The following PCNX2 variants were observed in gnomAD, a reference collection of about 807,000 sequenced individuals.
PCNX2 encodes pecanex-like protein 2.
A neutral mutation model predicts 223.8 loss-of-function variants in PCNX2; 168 were observed. That is an observed-to-expected ratio of 0.75 (90% CI 0.66 to 0.85). The LOEUF (loss-of-function observed/expected upper bound fraction) is 0.85, where lower values mean the gene tolerates loss of function less well. Among genes scored for constraint, PCNX2 ranks in the 40% least tolerant of loss-of-function variants. The probability of loss-of-function intolerance (pLI) is 0.00; values close to 1 mark genes in which losing one functional copy is unlikely to be tolerated. For synonymous variants in PCNX2, 1,006 were observed against 1,052.6 expected, an observed-to-expected ratio of 0.96 and a Z score of 0.86; for missense variants, 2,507 against 2,675.5, an observed-to-expected ratio of 0.94 and a Z score of 1.39.
chr1:232,988,996 C>G (rs988525751), intron 32 of PCNX2, among the ~76,000 whole-genome samples: 1 of 152,206 alleles, frequency 6.6e-6, no homozygotes, highest in African/African-American at 2.4e-5. Context: ...CCCCAGTCCG[C>G]TCAGCCTCTA....
At chr1:233,003,082 G>T (rs1670146319) in intron 28 of PCNX2, among the ~76,000 whole-genome samples, 1 of 152,142 alleles carries the variant, frequency 6.6e-6, no homozygotes, top group African/African-American at 2.4e-5. Flanking sequence ...TACCATTCAG[G>T]ACATAGGCAT....
At chr1:233,154,602 T>C (rs1571982109) in intron 19 of PCNX2, among the ~76,000 whole-genome samples, 1 of 152,330 alleles carries the variant, frequency 6.6e-6, no homozygotes, top group South Asian at 2.1e-4. Context: ...ACTGACTATC[T>C]GCCATGCACC....
Position 233,252,355 on chromosome 1 carries a change from A to C in PCNX2, c.2127T>G (p.His709Gln), listed in dbSNP as rs1021128500. 7 of 1,604,052 alleles carry C rather than the reference A, an allele frequency of 4.4e-6. No homozygotes were observed. The African/African-American group carries it at 9.4e-5, about 21-fold the overall frequency. ...TAGTAAAGAGCTCCAAAGACTCACCATGTTCATCAATGAAGACATGCATAG... is the reference window on the plus strand; with the variant it reads ...TAGTAAAGAGCTCCAAAGACTCACCCTGTTCATCAATGAAGACATGCATAG... ...VDAMHVFIDE[H>Q]GEIRSCYLKS... is the part of the protein sequence containing the mutation. Residue 709 changes from histidine to glutamine, a missense_variant and splice_region_variant, in exon 7 of 34, where the codon CAT (histidine) becomes CAG (glutamine). This residue lies in a region of PCNX2 where 1,031 missense variants were observed against 1,021.7 expected (regional missense o/e 1.01). Transcript: ENST00000258229.
chr1:233,263,257 T>C, intron 1 of PCNX2, 94 bp from the exon 2 acceptor site: 3 of 1,033,848 alleles, frequency 2.9e-6, no homozygotes, highest in Non-Finnish European at 1.3e-6. Context: ...CTATTGAATA[T>C]AAATTAGGCA....
intron 13 of PCNX2, among the ~76,000 whole-genome samples, chr1:233,203,465 C>A (rs4649444): frequency 0.29 from 44,560 of 151,794 alleles, 7,295 homozygotes; most frequent in East Asian, 0.56. Context: ...AAAAGTGCAC[C>A]GAGTAATATT....
At chr1:233,046,833 C>G (rs976183785) in intron 25 of PCNX2, among the ~76,000 whole-genome samples, 1 of 152,214 alleles carries the variant, frequency 6.6e-6, no homozygotes, top group Admixed American at 6.5e-5. Context: ...TAACGCCTCC[C>G]TGTAATCATA....
Position 233,239,477 on chromosome 1 carries a change from T to TA in PCNX2, c.2223-2498dup, listed in dbSNP as rs1175229447. ...CTATATAAGCCATTTAAATATCCTT[T>TA]AAAAAATCTATGGGTTGATTTTCTA... is the stretch of plus-strand genomic sequence containing the variant. On this transcript the variant is annotated intron_variant, in intron 8 of 33. Transcript: ENST00000258229. 5.3e-5 allele frequency among the ~76,000 whole-genome samples: 8 copies of TA among 152,316 alleles called. No homozygotes were observed. In the East Asian group the frequency reaches 1.2e-3, roughly 22 times the overall value.
At chr1:233,275,602 G>A (rs1660864970) in intron 1 of PCNX2, among the ~76,000 whole-genome samples, 2 of 152,106 alleles carry the variant, frequency 1.3e-5, no homozygotes, top group Admixed American at 6.6e-5. Flanking sequence ...AAACAGTGTG[G>A]GACTTCTTCA....
chr1:233,231,831 T>C (rs1041150360), intron 9 of PCNX2: 2 of 220,754 alleles, frequency 9.1e-6, no homozygotes, highest in East Asian at 1.8e-4. Flanking sequence ...GAGACCCTAA[T>C]AGTGACAAAA....
intron 15 of PCNX2, among the ~76,000 whole-genome samples, chr1:233,197,052 T>C (rs1680778083): frequency 6.6e-6 from 1 of 152,094 alleles, no homozygotes; most frequent in Non-Finnish European, 1.5e-5. Flanking sequence ...CCCTGACAGA[T>C]TTGATTCCAA....
At chr1:233,121,486 C>T (rs1200796932) in intron 21 of PCNX2, among the ~76,000 whole-genome samples, 6 of 152,090 alleles carry the variant, frequency 3.9e-5, no homozygotes, top group African/African-American at 1.4e-4. Context: ...GCAAAATAGA[C>T]ACATATATTA....
chr1:232,986,006 G>A (rs903726007), intron 33 of PCNX2, 86 bp downstream of exon 33: 7 of 1,402,412 alleles, frequency 5.0e-6, no homozygotes, highest in African/African-American at 2.9e-5. Context: ...GCAGAAGGGT[G>A]GGAACGCAAG....
intron 32 of PCNX2, among the ~76,000 whole-genome samples, chr1:232,993,670 G>A (rs1571988451): frequency 6.6e-6 from 1 of 152,330 alleles, no homozygotes; most frequent in South Asian, 2.1e-4. Context: ...ATGTCTCCAG[G>A]GCATTTCAGA....
chr1:233,219,704 C>T (rs1316979432), intron 10 of PCNX2, among the ~76,000 whole-genome samples: 2 of 152,088 alleles, frequency 1.3e-5, no homozygotes, highest in Non-Finnish European at 2.9e-5. Flanking sequence ...ACAGAGTTCC[C>T]ACATAGCCCC....
chr1:233,280,133 A>G (rs1256702862), intron 1 of PCNX2, among the ~76,000 whole-genome samples: 1 of 151,596 alleles, frequency 6.6e-6, no homozygotes, highest in African/African-American at 2.4e-5. Context: ...GCTGTGTACT[A>G]CTCCACTGTA....
rs189698349 is a variant in PCNX2, at chr1:233,086,261, A to C, written c.4076+3800T>G. On this transcript the variant is annotated intron_variant, in intron 23 of 33. Coordinates refer to ENST00000258229, the MANE Select transcript of PCNX2 (RefSeq NM_014801.4). ...GAAAGTGTTGTGGGAGATGGGCTAG[A>C]AAGTTCGAGAAAGAAGGGTCTATAT... 1.9e-3 allele frequency among the ~76,000 whole-genome samples: 292 copies of C among 152,284 alleles called. 1 individual carries two copies. The highest frequency in any genetic ancestry group is 8.7e-3 in the South Asian group (42 of 4,818).
At chr1:233,005,252 G>T (rs986034439) in intron 28 of PCNX2, among the ~76,000 whole-genome samples, 1 of 152,174 alleles carries the variant, frequency 6.6e-6, no homozygotes, top group African/African-American at 2.4e-5. Context: ...TTCTCCAGAT[G>T]TAGAGATGGG....
intron 15 of PCNX2, among the ~76,000 whole-genome samples, chr1:233,188,023 C>T (rs910236040): frequency 2.0e-5 from 3 of 152,178 alleles, no homozygotes; most frequent in South Asian, 2.1e-4. Flanking sequence ...GAATAGTTAT[C>T]GTTGGTATTA....
chr1:233,107,005 C>T (rs891184649), intron 21 of PCNX2, among the ~76,000 whole-genome samples: 2 of 151,940 alleles, frequency 1.3e-5, no homozygotes, highest in African/African-American at 4.8e-5. Context: ...ATGCTTTATG[C>T]TCTTTAAAAC....
Sources: gnomAD v4.1 joint callset for allele counts (sites outside exome capture counted in the v4.1 genomes callset) on GRCh38, gnomAD v4.1.1 for gene constraint, gnomAD v4.1.1 regional missense constraint, MANE v1.5 for transcripts, NCBI Gene and HGNC (gene_info 2026-07-23, HGNC 2026-07-21) for gene names.